The following SMCHD1 variants were observed in gnomAD, a reference collection of about 807,000 sequenced individuals.
SMCHD1 encodes structural maintenance of chromosomes flexible hinge domain-containing protein 1.
SMCHD1 carries 78 observed loss-of-function variants against 254.7 expected under a neutral mutation model. The ratio of observed to expected loss-of-function variants is 0.31; its 90% confidence interval spans 0.26 to 0.37. SMCHD1 has a LOEUF of 0.37. SMCHD1 is among the 10% of genes least tolerant of loss of function. The pLI is 1.00. For synonymous variants in SMCHD1, 766 were observed against 794.9 expected (o/e 0.96, Z 0.61); for missense variants, 1,840 against 2,408.1 (o/e 0.76, Z 4.94).
Position 2,771,389 on chromosome 18 carries a change from A to C in SMCHD1, c.4967-144A>C, listed in dbSNP as rs553864132. The stretch of plus-strand genomic sequence containing the variant: ...CCTTAAGATGTATAGTTTAATTTTG[A>C]ATTTCTGAAATGGTCACCTATCAGT... On this transcript the variant is annotated intron_variant, in intron 39 of 47. Coordinates refer to ENST00000320876, the MANE Select transcript of SMCHD1 (RefSeq NM_015295.3). The C allele has an allele frequency of 6.3e-5, 38 of 603,544 alleles. No homozygotes were observed. The African/African-American group carries it at 6.8e-4, about 11-fold the overall frequency. 37.4% of individuals were successfully genotyped at this position (603,544 alleles called of 1,614,324 possible). A position where few individuals can be genotyped will look rare whatever the true frequency, so the allele number is the denominator to read the frequency against.
intron 19 of SMCHD1, among the ~76,000 whole-genome samples, chr18:2,720,974 A>G (rs149404128): frequency 3.9e-5 from 6 of 152,270 alleles, no homozygotes; most frequent in African/African-American, 1.4e-4. Flanking sequence ...TCTTTCCCTG[A>G]AGAATAAACC....
In SMCHD1 at chr18:2,804,901, C is replaced by G. The variant is rs2076420090; in HGVS notation, c.*2349C>G. ...ATGTGTTATATAATCTGAAATTTGT[C>G]ACAATGTTACAATCAGGAAGTTTTT... On this transcript the variant is annotated 3_prime_UTR_variant, in exon 48 of 48. Transcript: ENST00000320876. 1 of 152,130 alleles carries G rather than the reference C, an allele frequency of 6.6e-6. No homozygotes were observed. Among genetic ancestry groups the G allele is most frequent in the Non-Finnish European group, 1.5e-5 (1 of 68,022 alleles). 9.4% of individuals were successfully genotyped at this position (152,130 alleles called of 1,614,324 possible).
Position 2,754,930 on chromosome 18 carries a change from G to A in SMCHD1, c.4346+2378G>A, listed in dbSNP as rs533200092. On this transcript the variant is annotated intron_variant, in intron 34 of 47. Transcript: ENST00000320876. The stretch of plus-strand genomic sequence containing the variant: ...GCAGGCAGATCACATGAGGTCCATC[G>A]TAAATGATATCTCCTAAAACATTTT... Among the ~76,000 whole-genome samples the A allele has an allele frequency of 2.1e-3, 312 of 152,044 alleles. 1 individual carries two copies. Among genetic ancestry groups the A allele is most frequent in the Admixed American group, 6.4e-3 (98 of 15,270 alleles).
intron 45 of SMCHD1, among the ~76,000 whole-genome samples, chr18:2,791,399 C>T (rs1270605247): frequency 6.6e-6 from 1 of 152,102 alleles, no homozygotes; most frequent in Non-Finnish European, 1.5e-5. Flanking sequence ...AATACAGTGA[C>T]ACCTAATCTC....
In SMCHD1 at chr18:2,706,490, G is replaced by T. The variant is rs368528253; in HGVS notation, c.2063+20G>T. On this transcript the variant is annotated intron_variant, in intron 15 of 47. Transcript: ENST00000320876. ...GGCAAGGTAAGTCACACTTCAAGAT[G>T]CATGACAAAAATAAGAAAAATTGGA... 8.5e-4 allele frequency: 1,284 copies of T among 1,509,774 alleles called. 2 individuals are homozygous for T. The highest frequency in any genetic ancestry group is 9.9e-4 in the Non-Finnish European group (1,090 of 1,105,868). 93.5% of individuals were successfully genotyped at this position (1,509,774 alleles called of 1,614,324 possible).
At chr18:2,775,147 C>T (rs2143768607) in intron 41 of SMCHD1, among the ~76,000 whole-genome samples, 1 of 132,140 alleles carries the variant, frequency 7.6e-6, no homozygotes, top group East Asian at 2.3e-4. Context: ...GGCACAATCT[C>T]GGCTCACTGC....
At chr18:2,727,062 T>A (rs1407715217) in intron 22 of SMCHD1, 2 of 152,904 alleles carry the variant, frequency 1.3e-5, no homozygotes, top group Non-Finnish European at 2.9e-5. Context: ...TCTTCATGTG[T>A]AAAATGAGAT....
At chr18:2,800,846 T>C (rs561383971) in intron 47 of SMCHD1, 5 of 152,274 alleles carry the variant, frequency 3.3e-5, no homozygotes, top group African/African-American at 1.2e-4. Context: ...CATATGAGGG[T>C]AGCCAGCAAC....
In SMCHD1 at chr18:2,775,860, C is replaced by A; in HGVS notation, c.5302C>A (p.Gln1768Lys). Residue 1768 changes from glutamine (Q) to lysine (K), a missense_variant, in exon 42 of 48, where the codon CAA becomes AAA. By Grantham distance (53) the Gln-to-Lys change is moderately conservative (BLOSUM62 1). Around this residue, in one of 9 missense-constraint regions of SMCHD1, gnomAD observed 114 missense variants for 217.6 expected, o/e 0.52. Transcript: ENST00000320876. ...TGCACGTCGTATCTATGATGAAACC[C>A]AAGGTCGTCAGCAGGTGTTGCCCCT... ...DAARRIYDET[Q>K]GRQQVLPLDS... 2 of 1,612,222 alleles carry A rather than the reference C, an allele frequency of 1.2e-6. No individual in the cohort carries two copies. The highest frequency in any genetic ancestry group is 1.6e-4 in the Middle Eastern group (1 of 6,062).
chr18:2,761,651 T>A (rs1332721975), intron 35 of SMCHD1, among the ~76,000 whole-genome samples: 1 of 152,066 alleles, frequency 6.6e-6, no homozygotes, highest in African/African-American at 2.4e-5. Context: ...ACCCCTCCTC[T>A]ACTAAAAATA....
At position 2,701,737 on chromosome 18, in the gene SMCHD1, A is replaced by G. The variant is rs114482886; in HGVS notation, c.1647+819A>G. On this transcript the variant is annotated intron_variant, in intron 12 of 47. Coordinates refer to ENST00000320876, the MANE Select transcript of SMCHD1 (RefSeq NM_015295.3). ...ATTTGTTACAAAGTTGAGTGAAACT[A>G]GTATACTAGTGTACTTGTATTCTGT... Among the ~76,000 whole-genome samples the G allele has an allele frequency of 4.3e-3, 652 of 152,320 alleles. 4 individuals carry two copies. The highest frequency in any genetic ancestry group is 0.014 in the African/African-American group (595 of 41,572).
At chr18:2,670,027 A>C (rs2073552637) in intron 3 of SMCHD1, among the ~76,000 whole-genome samples, 1 of 152,200 alleles carries the variant, frequency 6.6e-6, no homozygotes, top group African/African-American at 2.4e-5. Context: ...CACCCAGATT[A>C]CACTAACTAG....
intron 38 of SMCHD1, 28 bp from the exon 39 acceptor site, chr18:2,769,957 ATTAT>A (rs775301866): frequency 4.5e-6 from 7 of 1,554,848 alleles, no homozygotes; most frequent in Non-Finnish European, 5.2e-6. Flanking sequence ...CAGTTTTTAA[ATTAT>A]TTAAATTATC....
chr18:2,687,326 A>G (rs995867376), intron 5 of SMCHD1, among the ~76,000 whole-genome samples: 1 of 152,194 alleles, frequency 6.6e-6, no homozygotes, highest in Non-Finnish European at 1.5e-5. Flanking sequence ...TTCTGGTGGT[A>G]AATTACTTTG....
intron 5 of SMCHD1, among the ~76,000 whole-genome samples, chr18:2,685,162 C>T (rs960344246): frequency 1.1e-4 from 14 of 123,782 alleles, no homozygotes; most frequent in Non-Finnish European, 2.2e-4. Flanking sequence ...TGCAGTGGTG[C>T]TATCTCGGCT....
Position 2,762,086 on chromosome 18 carries a change from G to A in SMCHD1, c.4435-19G>A, listed in dbSNP as rs1244604816. 2 of 1,608,956 alleles carry A rather than the reference G, an allele frequency of 1.2e-6. No homozygotes were observed. The highest frequency in any genetic ancestry group is 1.7e-5 in the Admixed American group (1 of 59,818). On this transcript the variant is annotated intron_variant, in intron 35 of 47. Coordinates refer to ENST00000320876, the MANE Select transcript of SMCHD1 (RefSeq NM_015295.3). Reference sequence around the variant, plus strand: ...GCATCAATATATTGTTAATCAGAATGTCTCTTTTGTTTTGTAAGGTTATAG... The same window carrying A: ...GCATCAATATATTGTTAATCAGAATATCTCTTTTGTTTTGTAAGGTTATAG...
chr18:2,778,701 A>G (rs2143787913), intron 44 of SMCHD1, among the ~76,000 whole-genome samples: 1 of 152,306 alleles, frequency 6.6e-6, no homozygotes, highest in Middle Eastern at 3.4e-3. Flanking sequence ...CTGTGAATGA[A>G]GGATCTGTTC....
chr18:2,699,931 G>A (rs989393085), intron 10 of SMCHD1, among the ~76,000 whole-genome samples: 3 of 152,186 alleles, frequency 2.0e-5, no homozygotes, highest in African/African-American at 7.2e-5. Context: ...AATTTATCTG[G>A]ATACACGAGA....
chr18:2,694,074 CTA>C (rs2074238423), intron 7 of SMCHD1, among the ~76,000 whole-genome samples: 1 of 152,092 alleles, frequency 6.6e-6, no homozygotes, highest in African/African-American at 2.4e-5. Flanking sequence ...CTTTTAAGCA[CTA>C]TGTGTTTGGG....
Sources: allele counts gnomAD v4.1 joint callset (sites outside exome capture counted in the v4.1 genomes callset), GRCh38; gene constraint gnomAD v4.1.1; regional missense constraint gnomAD v4.1.1; transcripts MANE v1.5; gene names NCBI Gene and HGNC (gene_info 2026-07-23, HGNC 2026-07-21).